Variants in NRXN1 observed in about 807,000 individuals in gnomAD.
NRXN1 encodes neurexin-1.
NRXN1 carries 39 observed loss-of-function variants against 150.9 expected under a neutral mutation model. That is an observed-to-expected ratio of 0.26 (90% CI 0.20 to 0.34). The LOEUF is 0.34. Among genes scored for constraint, NRXN1 ranks in the 10% least tolerant of loss-of-function variants. The pLI is 1.00. For missense variants in NRXN1, 1,815 were observed against 1,949.9 expected, an observed-to-expected ratio of 0.93 and a Z score of 1.30; for synonymous variants, 924 against 757.0, an observed-to-expected ratio of 1.22 and a Z score of -3.62.
At chr2:50,018,095 C>G (rs1430201337) in intron 21 of NRXN1, among the ~76,000 whole-genome samples, 1 of 151,972 alleles carries the variant, frequency 6.6e-6, no homozygotes, top group African/African-American at 2.4e-5. Context: ...TCCAAGGGAC[C>G]CTGGTGAACT....
At chr2:50,296,518 C>CTATTAGTATTAGTATTATTATTAT (rs60974449) in intron 17 of NRXN1, among the ~76,000 whole-genome samples, 15 of 148,042 alleles carry the variant, frequency 1.0e-4, no homozygotes, top group Admixed American at 5.4e-4. Context: ...TGCTTAGCTT[C>CTATTAGTATTAGTATTATTATTAT]TATTATTATT....
intron 5 of NRXN1, among the ~76,000 whole-genome samples, chr2:50,699,131 T>A (rs1693372528): frequency 6.6e-6 from 1 of 152,138 alleles, no homozygotes; most frequent in Non-Finnish European, 1.5e-5. Context: ...GATAGCAGGA[T>A]CTAGCCTCCA....
intron 17 of NRXN1, among the ~76,000 whole-genome samples, chr2:50,295,470 T>G (rs924701927): frequency 3.9e-5 from 6 of 152,208 alleles, no homozygotes; most frequent in African/African-American, 1.4e-4. Context: ...TGTTTAATAT[T>G]ACCATCTTTA....
intron 18 of NRXN1, among the ~76,000 whole-genome samples, chr2:50,226,349 T>C (rs75158289): frequency 0.011 from 1,612 of 152,102 alleles, 33 homozygotes; most frequent in African/African-American, 0.037. Context: ...TATCAGCCTA[T>C]TTTCTGTGGC....
intron 21 of NRXN1, among the ~76,000 whole-genome samples, chr2:49,948,782 T>A (rs895817176): frequency 3.9e-5 from 6 of 152,022 alleles, no homozygotes; most frequent in African/African-American, 1.4e-4. Flanking sequence ...TTCTTTAGTA[T>A]ACTTTTCCCT....
chr2:50,829,289 G>A (rs1038436826), intron 5 of NRXN1, among the ~76,000 whole-genome samples: 1 of 147,950 alleles, frequency 6.8e-6, no homozygotes, highest in East Asian at 2.0e-4. Flanking sequence ...GGGAGAGGGA[G>A]AGGGGTAATT....
chr2:50,683,646 A>AAAAAAAAAATAT, intron 5 of NRXN1, among the ~76,000 whole-genome samples: 3 of 14,904 alleles, frequency 2.0e-4, no homozygotes, highest in Admixed American at 1.1e-3. Flanking sequence ...AAAAAAAAAA[A>AAAAAAAAAATAT]ATATATATAT....
At chr2:50,866,223 G>A (rs1277657063) in intron 5 of NRXN1, among the ~76,000 whole-genome samples, 5 of 151,908 alleles carry the variant, frequency 3.3e-5, no homozygotes, top group African/African-American at 1.2e-4. Context: ...CATTGAAACT[G>A]TGGCTAATGG....
chr2:50,805,882 T>C (rs1574537807), intron 5 of NRXN1, among the ~76,000 whole-genome samples: 1 of 152,232 alleles, frequency 6.6e-6, no homozygotes, highest in East Asian at 1.9e-4. Flanking sequence ...ACTCTCTTCC[T>C]TAGTCTCCAG....
chr2:50,414,484 T>A (rs970429387), intron 17 of NRXN1, among the ~76,000 whole-genome samples: 1 of 152,104 alleles, frequency 6.6e-6, no homozygotes, highest in African/African-American at 2.4e-5. Context: ...CATACCTTTT[T>A]TTCTTTTGGG....
At chr2:50,492,648 G>A (rs1248350149) in intron 15 of NRXN1, among the ~76,000 whole-genome samples, 1 of 152,172 alleles carries the variant, frequency 6.6e-6, no homozygotes, top group East Asian at 1.9e-4. Context: ...AGCATGTTTT[G>A]TGGCCTTCTG....
At chr2:50,156,255 C>T (rs2059014996) in intron 18 of NRXN1, among the ~76,000 whole-genome samples, 1 of 151,812 alleles carries the variant, frequency 6.6e-6, no homozygotes, top group Admixed American at 6.6e-5. Flanking sequence ...AGGGATCTCT[C>T]TCTAGGTAGT....
intron 5 of NRXN1, among the ~76,000 whole-genome samples, chr2:50,698,380 GA>G (rs1374096768): frequency 6.6e-6 from 1 of 152,184 alleles, no homozygotes; most frequent in Non-Finnish European, 1.5e-5. Flanking sequence ...GTAGTTGTGA[GA>G]ATCTAGCTCT....
chr2:50,661,195 A>C (rs1687251269), intron 5 of NRXN1, among the ~76,000 whole-genome samples: 1 of 152,042 alleles, frequency 6.6e-6, no homozygotes, highest in African/African-American at 2.4e-5. Context: ...AAATGGTGAC[A>C]ATTCAAGGTT....
intron 18 of NRXN1, among the ~76,000 whole-genome samples, chr2:50,164,388 G>A (rs572097763): frequency 6.6e-6 from 1 of 152,156 alleles, no homozygotes; most frequent in Admixed American, 6.5e-5. Flanking sequence ...ATGGAATTTG[G>A]TGGTAATTAG....
At chr2:50,876,019 C>T (rs896037000) in intron 5 of NRXN1, among the ~76,000 whole-genome samples, 1 of 151,824 alleles carries the variant, frequency 6.6e-6, no homozygotes. Context: ...ATAAGCCTCA[C>T]TCCTGACAGG....
rs1356304482 is a variant in NRXN1 at position 50,915,808 on chromosome 2, T to C, written c.832+6061A>G. On this transcript the variant is annotated intron_variant, in intron 5 of 22. Coordinates refer to ENST00000401669, the MANE Select transcript of NRXN1 (RefSeq NM_001330078.2). ...TTGTCACCATTAATAAAAAGCCTCCTCTATGCACTTTTGCAATTTGTCATG... is the reference window on the plus strand; with the variant it reads ...TTGTCACCATTAATAAAAAGCCTCCCCTATGCACTTTTGCAATTTGTCATG... 1.2e-4 allele frequency among the ~76,000 whole-genome samples: 18 copies of C among 151,250 alleles called. No homozygotes were observed. In the Admixed American group the frequency reaches 1.2e-3, roughly 10 times the overall value.
At chr2:50,024,871 C>A (rs1229774516) in intron 21 of NRXN1, among the ~76,000 whole-genome samples, 3 of 152,108 alleles carry the variant, frequency 2.0e-5, no homozygotes, top group Non-Finnish European at 4.4e-5. Flanking sequence ...CCACCTCAGC[C>A]TCCCAGAATG....
chr2:50,129,155 T>G (rs1462760431), intron 18 of NRXN1, among the ~76,000 whole-genome samples: 1 of 152,126 alleles, frequency 6.6e-6, no homozygotes, highest in African/African-American at 2.4e-5. Flanking sequence ...AGAGAAATTA[T>G]CCTATCTGAA....
Sources: gnomAD v4.1 joint callset for allele counts (sites outside exome capture counted in the v4.1 genomes callset) on GRCh38, gnomAD v4.1.1 for gene constraint, MANE v1.5 for transcripts, NCBI Gene and HGNC (gene_info 2026-07-23, HGNC 2026-07-21) for gene names.